MXRA5: variants seen among roughly 807,000 people sequenced by gnomAD.
MXRA5 encodes the protein matrix-remodeling-associated protein 5.
Under a neutral mutation model 112.5 loss-of-function variants are expected in MXRA5, and 41 were observed. That is an observed-to-expected ratio of 0.36 (90% CI 0.28 to 0.47). The LOEUF is 0.47. MXRA5 is among the 20% of genes least tolerant of loss of function. The pLI is 0.99. For synonymous variants in MXRA5, 862 were observed against 900.8 expected (o/e 0.96, Z 0.77); for missense variants, 2,150 against 2,251.0 (o/e 0.96, Z 0.91).
At position 3,317,549 on chromosome X, in the gene MXRA5, T is replaced by A. The variant is rs762578452; in HGVS notation, c.6132A>T (p.Ala2044=). 8.3e-7 allele frequency: 1 copy of A among 1,208,721 alleles called. No homozygotes were observed. The highest frequency in any genetic ancestry group is 1.1e-6 in the Non-Finnish European group (1 of 894,477). ...DSLAIRLHVA[A]LPPVIHQEKL... is the part of the protein sequence containing the mutation. ...TCTCCTGGTGGATAACGGGGGGCAG[T>A]GCCGCCACGTGCAGGCGGATGGCCA... The change falls in exon 6 of 7, where the codon GCA becomes GCT. Residue 2044 remains alanine, a synonymous_variant. Transcript: ENST00000217939.
intron 6 of MXRA5, among the ~76,000 whole-genome samples, chrX:3,312,061 C>T (rs1380662822): frequency 8.9e-6 from 1 of 112,186 alleles, no homozygotes; most frequent in Non-Finnish European, 1.9e-5. Context: ...ACGGTTTCTA[C>T]TCTTGGCAAT....
At chrX:3,341,099 A>T (rs1270902728) in intron 2 of MXRA5, among the ~76,000 whole-genome samples, 1 of 45,949 alleles carries the variant, frequency 2.2e-5, no homozygotes, top group Non-Finnish European at 4.1e-5. Flanking sequence ...AATATGTTAT[A>T]CATAATATAA....
At chrX:3,334,237 C>T (rs1192008810) in intron 2 of MXRA5, among the ~76,000 whole-genome samples, 2 of 111,819 alleles carry the variant, frequency 1.8e-5, no homozygotes, top group Non-Finnish European at 3.8e-5. Context: ...CCGCCTCGGC[C>T]TCCCAAAGGG....
At chrX:3,318,726 C>A (rs184664750) in intron 5 of MXRA5, among the ~76,000 whole-genome samples, 51 of 112,045 alleles carry the variant, frequency 4.6e-4, no homozygotes, top group African/African-American at 1.4e-3. Flanking sequence ...GACAAGACAT[C>A]TGCACTCCCA....
intron 2 of MXRA5, among the ~76,000 whole-genome samples, chrX:3,337,485 A>G (rs1239132090): frequency 8.9e-6 from 1 of 111,815 alleles, no homozygotes; most frequent in Admixed American, 9.5e-5. Flanking sequence ...GTATCTATCT[A>G]TCTATCTATC....
chrX:3,341,187 A>T (rs868701217), intron 2 of MXRA5, among the ~76,000 whole-genome samples: 85 of 15,728 alleles, frequency 5.4e-3, no homozygotes, highest in Non-Finnish European at 0.014. Flanking sequence ...TATATATAAT[A>T]TATAATTATT....
chrX:3,330,546 G>A (rs897802223), intron 3 of MXRA5, 98 bp downstream of exon 3: 5 of 1,130,893 alleles, frequency 4.4e-6, no homozygotes, highest in Middle Eastern at 2.5e-4. Context: ...AACAATAGCC[G>A]TTTTATTGAT....
rs1480327517 is a variant in MXRA5, at chrX:3,324,798, T to C, written c.887A>G (p.Gln296Arg). 1.7e-6 allele frequency: 2 copies of C among 1,209,146 alleles called. No individual in the cohort carries two copies. The highest frequency in any genetic ancestry group is 2.2e-6 in the Non-Finnish European group (2 of 894,958). Residue 296 changes from glutamine (Q) to arginine (R), a missense_variant, in exon 5 of 7, where the codon CAA (glutamine) becomes CGA (arginine). By Grantham distance (43) the Gln-to-Arg change is conservative. Around this residue, in one of 6 missense-constraint regions of MXRA5, gnomAD observed 386 missense variants for 411.0 expected, o/e 0.94. Transcript: ENST00000217939. ...GCTGCCACCATCCTCTTCCTGTTCT[T>C]GCTCCTCCTCAATACTCCTGCTCCT... ...QNRSRSIEEE[Q>R]EQEEDGGSQL...
At position 3,310,456 on chromosome X, in the gene MXRA5, C is replaced by A. The variant is rs747665960; in HGVS notation, c.7747G>T (p.Asp2583Tyr). Residue 2583 changes from aspartate to tyrosine, a missense_variant, in exon 7 of 7, where the codon GAT (aspartate) becomes TAT (tyrosine). Physicochemically the swap from Asp to Tyr is radical, Grantham distance 160. Around this residue, in one of 6 missense-constraint regions of MXRA5, gnomAD observed 93 missense variants for 135.5 expected, o/e 0.69. Coordinates refer to ENST00000217939, the MANE Select transcript of MXRA5 (RefSeq NM_015419.4). ...SLVWVLPNGT[D>Y]LQSGQQLQRF... ...TGCAGCTGCTGTCCACTCTGCAGAT[C>A]GGTGCCATTGGGAAGGACCCACACC... 8.3e-7 allele frequency: 1 copy of A among 1,203,157 alleles called. No individual in the cohort carries two copies. Among genetic ancestry groups the A allele is most frequent in the Admixed American group, 2.2e-5 (1 of 44,985 alleles).
intron 5 of MXRA5, among the ~76,000 whole-genome samples, chrX:3,319,632 A>G (rs1183103683): frequency 9.0e-6 from 1 of 110,725 alleles, no homozygotes; most frequent in Non-Finnish European, 1.9e-5. Flanking sequence ...GTACATATGG[A>G]CATAAAGATA....
chrX:3,338,496 T>C (rs1921833496), intron 2 of MXRA5, among the ~76,000 whole-genome samples: 2 of 111,163 alleles, frequency 1.8e-5, no homozygotes, highest in Non-Finnish European at 3.8e-5. Flanking sequence ...GACAGGTACA[T>C]AGGTGATAGA....
rs771662416 is a variant in MXRA5, at chrX:3,309,725, G to A, written c.8478C>T (p.His2826=). The A allele has an allele frequency of 5.8e-6, 7 of 1,206,017 alleles. No individual in the cohort carries two copies. The highest frequency in any genetic ancestry group is 2.3e-4 in the Middle Eastern group (1 of 4,362). The change falls in exon 7 of 7, where the codon CAC becomes CAT. Residue 2826 remains histidine, a synonymous_variant. Coordinates refer to ENST00000217939, the MANE Select transcript of MXRA5 (RefSeq NM_015419.4). ...LGSDSKTTYI[H]VF The stretch of plus-strand genomic sequence containing the variant: ...TTCTGGAATCCACATTTCAGAAGAC[G>A]TGGATGTAAGTTGTTTTGGAGTCAC...
chrX:3,320,941 C>T lies in MXRA5; in HGVS notation c.4744G>A (p.Gly1582Ser), dbSNP rs867157103. ...TKLELEKQVF[G>S]SRSLPRGPDS... Reference sequence around the variant, plus strand: ...GGGCCACGTGGTAGACTCCTACTACCAAATACTTGCTTTTCCAATTCCAGC... The same window carrying T: ...GGGCCACGTGGTAGACTCCTACTACTAAATACTTGCTTTTCCAATTCCAGC... The change falls in exon 5 of 7, where the codon GGT becomes AGT. Residue 1582 changes from glycine (G) to serine (S), a missense_variant. Physicochemically the swap from Gly to Ser is moderately conservative, Grantham distance 56 (BLOSUM62 0). Around this residue, in one of 6 missense-constraint regions of MXRA5, gnomAD observed 1,485 missense variants for 1,471.6 expected, o/e 1.01. Coordinates refer to ENST00000217939, the MANE Select transcript of MXRA5 (RefSeq NM_015419.4). 7 of 1,211,682 alleles carry T rather than the reference C, an allele frequency of 5.8e-6. No individual in the cohort carries two copies. The highest frequency in any genetic ancestry group is 7.8e-6 in the Non-Finnish European group (7 of 895,467).
At chrX:3,335,610 C>G (rs1307872949) in intron 2 of MXRA5, among the ~76,000 whole-genome samples, 1 of 112,525 alleles carries the variant, frequency 8.9e-6, no homozygotes, top group South Asian at 3.7e-4. Flanking sequence ...TTGCGGATGG[C>G]ATCCTCAGAA....
chrX:3,309,112 C>G lies in MXRA5; in HGVS notation c.*604G>C, dbSNP rs1920963329. On this transcript the variant is annotated 3_prime_UTR_variant, in exon 7 of 7. Transcript: ENST00000217939. Reference sequence around the variant, plus strand: ...TAAAACATTATATAAAAAGTGAGTTCCAGGAAGAAATGTTTTTCTTTTTTC... The same window carrying G: ...TAAAACATTATATAAAAAGTGAGTTGCAGGAAGAAATGTTTTTCTTTTTTC... 9.0e-6 allele frequency: 1 copy of G among 110,976 alleles called. No homozygotes were observed. Among genetic ancestry groups the G allele is most frequent in the Admixed American group, 9.6e-5 (1 of 10,409 alleles). 9.1% of individuals were successfully genotyped at this position (110,976 alleles called of 1,213,427 possible).
chrX:3,336,966 T>C (rs148011420), intron 2 of MXRA5, among the ~76,000 whole-genome samples: 301 of 111,854 alleles, frequency 2.7e-3, no homozygotes, highest in African/African-American at 9.3e-3. Flanking sequence ...GTCAACCAAA[T>C]AGGCAAGGGC....
chrX:3,346,455 T>C, intron 1 of MXRA5, 60 bp downstream of exon 1: 2 of 715,174 alleles, frequency 2.8e-6, no homozygotes, highest in Non-Finnish European at 3.3e-6. Flanking sequence ...CTCAAATCCC[T>C]TCACCCCCTG....
chrX:3,319,953 C>A, intron 5 of MXRA5, 55 bp downstream of exon 5: 1 of 898,720 alleles, frequency 1.1e-6, no homozygotes, highest in Non-Finnish European at 1.5e-6. Flanking sequence ...ATATTGCTAG[C>A]CAATAAAATA....
chrX:3,324,199 G>A lies in MXRA5; in HGVS notation c.1486C>T (p.Pro496Ser). Residue 496 changes from proline (P) to serine (S), a missense_variant, in exon 5 of 7, where the codon CCA becomes TCA. This residue lies in a region of MXRA5 where 386 missense variants were observed against 411.0 expected (regional missense o/e 0.94). Coordinates refer to ENST00000217939, the MANE Select transcript of MXRA5 (RefSeq NM_015419.4). Reference protein sequence around the residue: ...QRDQTVLEGGPCQLSCNVKAS... With the variant: ...QRDQTVLEGGSCQLSCNVKAS... The stretch of plus-strand genomic sequence containing the variant: ...TTCACGTTGCAGCTCAACTGGCATG[G>A]ACCCCCTTCCAGGACAGTCTGATCT... The A allele has an allele frequency of 8.3e-7, 1 of 1,211,436 alleles. No homozygotes were observed.
Sources: gnomAD v4.1 joint callset for allele counts (sites outside exome capture counted in the v4.1 genomes callset) on GRCh38, gnomAD v4.1.1 for gene constraint, gnomAD v4.1.1 regional missense constraint, MANE v1.5 for transcripts, NCBI Gene and HGNC (gene_info 2026-07-23, HGNC 2026-07-21) for gene names.